Variants in RNASE12 observed in about 807,000 individuals in gnomAD.
RNASE12 encodes the protein probable inactive ribonuclease-like protein 12.
For synonymous variants in RNASE12, 55 were observed against 59.8 expected (o/e 0.92, Z 0.37); for missense variants, 161 against 177.6 (o/e 0.91, Z 0.53).
chr14:20,590,776 A>T lies in RNASE12; in HGVS notation c.-53T>A. 1 of 1,586,400 alleles carries T rather than the reference A, an allele frequency of 6.3e-7. No homozygotes were observed. The highest frequency in any genetic ancestry group is 1.2e-5 in the South Asian group (1 of 85,900). On this transcript the variant is annotated 5_prime_UTR_variant, in exon 1 of 1. Transcript: ENST00000556526. ...GGCTTTGACTGCTGTTGAGTAAGGG[A>T]AGATAGAAAGTAGCAAAGGACAGTC...
downstream of RNASE12, chr14:20,590,106 G>T: frequency 1.6e-6 from 2 of 1,215,626 alleles, no homozygotes; most frequent in Non-Finnish European, 1.1e-6. Context: ...TTATTTTATT[G>T]AAGCAGAATA....
chr14:20,590,283 T>C, exon 1 of RNASE12: 1 of 1,612,906 alleles, frequency 6.2e-7, no homozygotes, highest in Non-Finnish European at 8.5e-7. Flanking sequence ...TCTTGAGTTA[T>C]TTAACATAGC....
chr14:20,590,083 A>T, downstream of RNASE12: 1 of 1,071,478 alleles, frequency 9.3e-7, no homozygotes, highest in Non-Finnish European at 1.3e-6. Context: ...TTTATGGTTT[A>T]ATTCAGTAAA....
At chr14:20,591,219 C>T (rs540558801), upstream of RNASE12, 2 of 984,536 alleles carry the variant, frequency 2.0e-6, no homozygotes, top group African/African-American at 3.5e-5. Context: ...AAGTCCCTCC[C>T]TCTGTCAATC....
At chr14:20,590,909 C>A, upstream of RNASE12, 3 of 1,431,714 alleles carry the variant, frequency 2.1e-6, no homozygotes, top group South Asian at 4.7e-5. Context: ...CAGCTGGAGG[C>A]ATAGTTCCCC....
chr14:20,590,076 A>G (rs1884534170), downstream of RNASE12: 9 of 1,015,834 alleles, frequency 8.9e-6, no homozygotes, highest in Non-Finnish European at 1.2e-5. Flanking sequence ...TGTAGAATTT[A>G]TGGTTTAATT....
chr14:20,590,227 C>T (rs1884538791), exon 1 of RNASE12: 1 of 1,590,832 alleles, frequency 6.3e-7, no homozygotes, highest in African/African-American at 1.3e-5. Context: ...CAGGCACAGC[C>T]AGCTCCAATG....
chr14:20,590,304 A>G, exon 1 of RNASE12: 1 of 1,613,886 alleles, frequency 6.2e-7, no homozygotes, highest in Non-Finnish European at 8.5e-7. Context: ...CAAGGAAACT[A>G]TCTGGCCTCA....
At chr14:20,591,333 G>C (rs1170521394), upstream of RNASE12, 1 of 976,950 alleles carries the variant, frequency 1.0e-6, no homozygotes, top group African/African-American at 1.8e-5. Context: ...CTTGTGTCTT[G>C]CTGTTCCCTG....
Position 20,590,482 on chromosome 14 carries a change from A to T in RNASE12, c.242T>A (p.Ile81Asn), listed in dbSNP as rs558759147. ...TTGGCAAGCAACCTTCTTGGGAGAA[A>T]TGCAAATACCATTGATTTTTCGAGG... Residue 81 changes from isoleucine (I) to asparagine (N), a missense_variant, in exon 1 of 1, where the codon ATT (isoleucine) becomes AAT (asparagine). By Grantham distance (149) the Ile-to-Asn change is moderately radical (BLOSUM62 -3). Transcript: ENST00000556526. 109 of 1,614,236 alleles carry T rather than the reference A, an allele frequency of 6.8e-5. 1 individual carries two copies. In the South Asian group the frequency reaches 1.2e-3, roughly 17 times the overall value.
rs143758256 is a variant in RNASE12, at chr14:20,590,609, C to T, written c.115G>A (p.Val39Ile). Reference sequence around the variant, plus strand: ...TTGCAGTACCTTGCAGGAACGGGAACGTCATTCTGAGGGTAGTCCACATGC... The same window carrying T: ...TTGCAGTACCTTGCAGGAACGGGAATGTCATTCTGAGGGTAGTCCACATGC... The change falls in exon 1 of 1, where the codon GTT becomes ATT. Residue 39 changes from valine to isoleucine, a missense_variant. By Grantham distance (29) the Val-to-Ile change is conservative. Coordinates refer to ENST00000556526, the Ensembl canonical transcript of RNASE12. The T allele has an allele frequency of 1.1e-5, 17 of 1,614,094 alleles. No individual in the cohort carries two copies. The highest frequency in any genetic ancestry group is 2.7e-5 in the African/African-American group (2 of 74,932).
chr14:20,590,075 T>C (rs141284653), downstream of RNASE12: 117 of 1,012,560 alleles, frequency 1.2e-4, no homozygotes, highest in African/African-American at 1.7e-3. Context: ...ATGTAGAATT[T>C]ATGGTTTAAT....
rs761682217 is a variant in RNASE12, at chr14:20,590,439, G to GA, written c.284dup (p.Cys96LeufsTer5). 1.4e-5 allele frequency: 23 copies of GA among 1,614,092 alleles called. No individual in the cohort carries two copies. In the African/African-American group the frequency reaches 3.1e-4, roughly 22 times the overall value. On this transcript the variant is annotated frameshift_variant, in exon 1 of 1. Coordinates refer to ENST00000556526, the Ensembl canonical transcript of RNASE12. LOFTEE classifies it low-confidence loss of function (END_TRUNC). ...TGAACTTTGTCTCACTCTGAAAGCA[G>GA]AAAATGGCCGAAAGGTTTTGGCAAG...
At chr14:20,590,959 G>C (rs1884567868), upstream of RNASE12, 3 of 1,392,026 alleles carry the variant, frequency 2.2e-6, no homozygotes, top group Non-Finnish European at 2.8e-6. Context: ...TCAGAGTTTG[G>C]TACTGAGCTG....
exon 1 of RNASE12, chr14:20,590,324 A>G (rs769874761): frequency 6.2e-7 from 1 of 1,614,196 alleles, no homozygotes; most frequent in Non-Finnish European, 8.5e-7. Context: ...AAGTCATCAC[A>G]AGTGACAAGA....
chr14:20,590,648 T>C, exon 1 of RNASE12: 1 of 1,614,278 alleles, frequency 6.2e-7, no homozygotes, highest in African/African-American at 1.3e-5. Context: ...TGTTCTAAAG[T>C]TGACATCACT....
chr14:20,590,149 A>C, downstream of RNASE12: 1 of 1,469,950 alleles, frequency 6.8e-7, no homozygotes, highest in Non-Finnish European at 9.0e-7. Context: ...CAGGAAGGAT[A>C]AATTAATTAC....
At chr14:20,590,550 A>T (rs1884551748) in exon 1 of RNASE12, 1 of 1,614,160 alleles carries the variant, frequency 6.2e-7, no homozygotes, top group African/African-American at 1.3e-5. Flanking sequence ...AAGTGTGGTC[A>T]GGTTCCCTGA....
chr14:20,590,565 T>C, exon 1 of RNASE12: 1 of 1,614,248 alleles, frequency 6.2e-7, no homozygotes, highest in African/African-American at 1.3e-5. Context: ...CCCTGATAAC[T>C]CTTTGTATGA....
Sources: gnomAD v4.1 joint callset for allele counts on GRCh38, gnomAD v4.1.1 for gene constraint, MANE v1.5 for transcripts, NCBI Gene and HGNC (gene_info 2026-07-23, HGNC 2026-07-21) for gene names.